The following MVK variants were observed in gnomAD, a reference collection of about 807,000 sequenced individuals.
MVK encodes the protein mevalonate kinase.
A neutral mutation model predicts 43.2 loss-of-function variants in MVK; 34 were observed. The ratio of observed to expected loss-of-function variants is 0.79; its 90% CI spans 0.60 to 1.05. The LOEUF (loss-of-function observed/expected upper bound fraction) is 1.05, where lower values mean the gene tolerates loss of function less well. MVK is among the 50% of genes least tolerant of loss of function. The pLI is 0.00. For missense variants in MVK, 395 were observed against 504.0 expected (o/e 0.78, Z 2.07); for synonymous variants, 190 against 219.8 (o/e 0.86, Z 1.20).
At chr12:109,584,922 C>G (rs1006269625) in intron 5 of MVK, among the ~76,000 whole-genome samples, 1 of 152,206 alleles carries the variant, frequency 6.6e-6, no homozygotes, top group Non-Finnish European at 1.5e-5. Flanking sequence ...TACTCCATAA[C>G]TCTGCCACTG....
In MVK at chr12:109,579,925, T is replaced by G. The variant is rs768578638; in HGVS notation, c.350T>G (p.Leu117Arg). The G allele has an allele frequency of 1.2e-6, 2 of 1,614,188 alleles. No individual in the cohort carries two copies. The highest frequency in any genetic ancestry group is 1.7e-5 in the Admixed American group (1 of 60,030). Reference protein sequence around the residue: ...LAVLAFLYLYLSICRKQRALP... With the variant: ...LAVLAFLYLYRSICRKQRALP... ...GTGCTGGCCTTTCTTTACTTATACC[T>G]GTCCATCTGCCGGAAGCAGAGGTGT... The change falls in exon 4 of 11, where the codon CTG (leucine) becomes CGG (arginine). Residue 117 changes from leucine to arginine, a missense_variant. Coordinates refer to ENST00000228510, the MANE Select transcript of MVK (RefSeq NM_000431.4).
Position 109,581,162 on chromosome 12 carries a change from G to T in MVK, c.372-233G>T, listed in dbSNP as rs76108588. Among the ~76,000 whole-genome samples the T allele has an allele frequency of 5.4e-4, 83 of 152,308 alleles. 2 individuals carry two copies. In the East Asian group the frequency reaches 0.014, roughly 26 times the overall value. ...AGCTTGCCAGGTGCTTCTGGGAAGG[G>T]CTCTGGTTGAATGACCCAGGGATTT... On this transcript the variant is annotated intron_variant, in intron 4 of 10. Coordinates refer to ENST00000228510, the MANE Select transcript of MVK (RefSeq NM_000431.4).
intron 7 of MVK, 133 bp downstream of exon 7, chr12:109,586,932 A>G: frequency 9.5e-7 from 1 of 1,049,184 alleles, no homozygotes; most frequent in Non-Finnish European, 1.4e-6. Flanking sequence ...TGGCCCTCAC[A>G]GTGCACTAGC....
At chr12:109,575,946 GC>G (rs1884929860) in intron 2 of MVK, 51 bp from the exon 3 acceptor site, 1 of 1,610,158 alleles carries the variant, frequency 6.2e-7, no homozygotes, top group Non-Finnish European at 8.5e-7. Flanking sequence ...GTGGGTCCTG[GC>G]CCCTTTGCCA....
chr12:109,591,144 G>A (rs892570863), intron 8 of MVK, 97 bp from the exon 9 acceptor site: 1 of 1,218,896 alleles, frequency 8.2e-7, no homozygotes, highest in South Asian at 1.2e-5. Flanking sequence ...GGCACGGGCT[G>A]TGTGAACACC....
chr12:109,581,253 T>C, intron 4 of MVK, 142 bp from the exon 5 acceptor site: 1 of 1,004,576 alleles, frequency 1.0e-6, no homozygotes, highest in Non-Finnish European at 1.6e-6. Context: ...TCAATAGGGA[T>C]ACATTTGGGG....
intron 9 of MVK, among the ~76,000 whole-genome samples, chr12:109,593,814 T>C (rs1885795070): frequency 6.8e-6 from 1 of 147,284 alleles, no homozygotes; most frequent in African/African-American, 2.6e-5. Flanking sequence ...TCCTCCCAGG[T>C]TCAAATGATC....
chr12:109,578,249 G>A (rs913128466), intron 3 of MVK, among the ~76,000 whole-genome samples: 7 of 150,970 alleles, frequency 4.6e-5, no homozygotes, highest in African/African-American at 1.7e-4. Flanking sequence ...CCTCCTGATA[G>A]TAATAAACAT....
chr12:109,591,290 T>C lies in MVK; in HGVS notation c.818T>C (p.Leu273Pro). The C allele has an allele frequency of 6.2e-7, 1 of 1,614,216 alleles. No homozygotes were observed. Among genetic ancestry groups the C allele is most frequent in the African/African-American group, 1.3e-5 (1 of 75,048 alleles). The part of the protein sequence containing the change: ...PLLTSIDAIS[L>P]ECERVLGEMG... The stretch of plus-strand genomic sequence containing the variant: ...CTGACCTCAATAGATGCCATCTCCC[T>C]GGAGTGTGAGCGCGTGCTGGGAGAG... Residue 273 changes from leucine (L) to proline (P), a missense_variant, in exon 9 of 11, where the codon CTG becomes CCG. Transcript: ENST00000228510.
rs541933976 is a variant in MVK, at chr12:109,585,760, A to G, written c.528-262A>G. On this transcript the variant is annotated intron_variant, in intron 5 of 10. Transcript: ENST00000228510. Reference sequence around the variant, plus strand: ...GGGTGACAGAGTGAGACTCCGTCTCAAAAAAAAAGAAAAAAAAAGAGGCAA... The same window carrying G: ...GGGTGACAGAGTGAGACTCCGTCTCGAAAAAAAAGAAAAAAAAAGAGGCAA... 1.4e-4 allele frequency among the ~76,000 whole-genome samples: 15 copies of G among 104,510 alleles called. No individual in the cohort carries two copies. The East Asian group carries it at 2.4e-3, about 16-fold the overall frequency. The allele number at this position is 104,510 out of a possible 152,430, so 68.6% of individuals were successfully genotyped here. A position where few individuals can be genotyped will look rare whatever the true frequency, so the allele number is the denominator to read the frequency against.
At chr12:109,574,561 G>C (rs1362747331) in intron 1 of MVK, among the ~76,000 whole-genome samples, 1 of 152,200 alleles carries the variant, frequency 6.6e-6, no homozygotes, top group Non-Finnish European at 1.5e-5. Context: ...GGGAAACCGA[G>C]GTTCTTAGCC....
At chr12:109,580,093 C>T in intron 4 of MVK, 147 bp downstream of exon 4, 1 of 1,220,300 alleles carries the variant, frequency 8.2e-7, no homozygotes, top group Non-Finnish European at 1.2e-6. Flanking sequence ...GGCACCCTGC[C>T]AGGCACGGTA....
chr12:109,590,707 C>G, intron 7 of MVK, 64 bp from the exon 8 acceptor site: 1 of 1,496,282 alleles, frequency 6.7e-7, no homozygotes, highest in Non-Finnish European at 9.3e-7. Flanking sequence ...CGGACTGCTC[C>G]CAGTCCTGTC....
At chr12:109,591,971 C>T (rs770638816) in intron 9 of MVK, among the ~76,000 whole-genome samples, 6 of 152,070 alleles carry the variant, frequency 3.9e-5, no homozygotes, top group Non-Finnish European at 7.4e-5. Context: ...ATTAGACGGG[C>T]GCAGTGGCTC....
chr12:109,594,219 G>T (rs894645933), intron 9 of MVK, among the ~76,000 whole-genome samples: 2 of 152,206 alleles, frequency 1.3e-5, no homozygotes, highest in Non-Finnish European at 1.5e-5. Context: ...CACGTTGTGG[G>T]TGTTTGGTAA....
chr12:109,587,549 G>A (rs922588682), intron 7 of MVK, among the ~76,000 whole-genome samples: 2 of 152,220 alleles, frequency 1.3e-5, no homozygotes, highest in African/African-American at 4.8e-5. Flanking sequence ...CCTTGATCAA[G>A]TTGTGGGGTG....
At chr12:109,589,331 T>C (rs960258515) in intron 7 of MVK, 1 of 152,180 alleles carries the variant, frequency 6.6e-6, no homozygotes, top group Non-Finnish European at 1.5e-5. Flanking sequence ...AACCAACCTT[T>C]GCTGCCTGCT....
Position 109,590,507 on chromosome 12 carries a change from GC to G in MVK, c.678-262del, listed in dbSNP as rs1299062321. On this transcript the variant is annotated intron_variant, in intron 7 of 10. Transcript: ENST00000228510. ...GGCCCCGGCCCCAAGGCCACGCTGT[GC>G]CTAGCATGTTGTAGGTCCCAGTTGA... is the stretch of plus-strand genomic sequence containing the variant. 5.3e-4 allele frequency: 280 copies of G among 531,530 alleles called. 1 individual carries two copies. In the East Asian group the frequency reaches 9.7e-3, roughly 18 times the overall value. 32.9% of individuals were successfully genotyped at this position (531,530 alleles called of 1,614,324 possible). A position where few individuals can be genotyped will look rare whatever the true frequency, so the allele number is the denominator to read the frequency against.
chr12:109,573,426 G>GCAGGCCAAGACGGCTCCC (rs770077320), upstream of MVK: 5 of 1,607,352 alleles, frequency 3.1e-6, no homozygotes, highest in East Asian at 2.2e-5. Flanking sequence ...AAGCACCCGC[G>GCAGGCCAAGACGGCTCCC]CAGGCCAAGA....
Sources: allele counts gnomAD v4.1 joint callset (sites outside exome capture counted in the v4.1 genomes callset), GRCh38; gene constraint gnomAD v4.1.1; transcripts MANE v1.5; gene names NCBI Gene and HGNC (gene_info 2026-07-23, HGNC 2026-07-21).